Variants in PLD1 observed in about 807,000 individuals in gnomAD.
PLD1 encodes the protein phospholipase D1, also known as choline phosphatase 1.
PLD1 carries 112 observed loss-of-function variants against 137.1 expected under a neutral mutation model. The ratio of observed to expected loss-of-function variants is 0.82; its 90% CI spans 0.70 to 0.96. The LOEUF is 0.96. Ranked by LOEUF, PLD1 falls within the 40% of genes least tolerant of loss-of-function variation. The probability of loss-of-function intolerance (pLI) is 0.00; values close to 1 mark genes in which losing one functional copy is unlikely to be tolerated. For synonymous variants in PLD1, 431 were observed against 454.7 expected, an observed-to-expected ratio of 0.95 and a Z score of 0.66; for missense variants, 1,321 against 1,342.0, an observed-to-expected ratio of 0.98 and a Z score of 0.24.
intron 16 of PLD1, among the ~76,000 whole-genome samples, chr3:171,681,531 C>A (rs9290426): frequency 2.7e-4 from 41 of 151,902 alleles, no homozygotes; most frequent in Non-Finnish European, 5.3e-4. Context: ...CTCTACCTAC[C>A]GAATTTCTAC....
chr3:171,658,571 C>T (rs888306981), intron 21 of PLD1, among the ~76,000 whole-genome samples: 1 of 152,134 alleles, frequency 6.6e-6, no homozygotes, highest in Non-Finnish European at 1.5e-5. Flanking sequence ...TATTGTGTGA[C>T]TCCATTTATA....
chr3:171,759,062 T>C (rs1331226068), intron 1 of PLD1, among the ~76,000 whole-genome samples: 1 of 150,784 alleles, frequency 6.6e-6, no homozygotes, highest in African/African-American at 2.5e-5. Flanking sequence ...CAGTTGCTTC[T>C]TGTCAAGGCC....
At chr3:171,616,688 C>G (rs952741533) in intron 24 of PLD1, among the ~76,000 whole-genome samples, 1 of 152,164 alleles carries the variant, frequency 6.6e-6, no homozygotes, top group African/African-American at 2.4e-5. Context: ...GGAATGCAGG[C>G]AGCCTCTAGA....
rs1297082512 is a variant in PLD1, at chr3:171,764,954, GAAAGAAA to G, written c.-31-26879_-31-26873del. ...GAAAGGAAAGAAAGAAAGAAAGAAA[GAAAGAAA>G]GAAAGAAAGAAAGAAAGAAAGAAAG... On this transcript the variant is annotated intron_variant, in intron 1 of 26. Transcript: ENST00000351298. Among the ~76,000 whole-genome samples, 268 of 48,678 alleles carry G rather than the reference GAAAGAAA, an allele frequency of 5.5e-3. 34 individuals carry two copies. The highest frequency in any genetic ancestry group is 8.6e-3 in the Admixed American group (35 of 4,056). 31.9% of individuals were successfully genotyped at this position (48,678 alleles called of 152,430 possible). A position where few individuals can be genotyped will look rare whatever the true frequency, so the allele number is the denominator to read the frequency against.
intron 1 of PLD1, among the ~76,000 whole-genome samples, chr3:171,787,409 T>C (rs1723050886): frequency 6.6e-6 from 1 of 152,032 alleles, no homozygotes; most frequent in South Asian, 2.1e-4. Flanking sequence ...AATGCCTTCT[T>C]TTTTTTTCAT....
intron 1 of PLD1, among the ~76,000 whole-genome samples, chr3:171,762,044 A>G (rs1175432407): frequency 6.6e-6 from 1 of 152,252 alleles, no homozygotes; most frequent in Non-Finnish European, 1.5e-5. Flanking sequence ...GAACTTTATC[A>G]TTCAACCATA....
chr3:171,809,012 G>A (rs913443291), intron 1 of PLD1, among the ~76,000 whole-genome samples: 10 of 151,174 alleles, frequency 6.6e-5, no homozygotes, highest in African/African-American at 2.4e-4. Flanking sequence ...TTTAGTAGAG[G>A]CGGGGTTTCA....
chr3:171,786,206 T>C (rs865947603), intron 1 of PLD1, among the ~76,000 whole-genome samples: 3 of 152,210 alleles, frequency 2.0e-5, no homozygotes, highest in Non-Finnish European at 4.4e-5. Flanking sequence ...TTTCCAACTA[T>C]TTGGAAATAG....
At chr3:171,611,185 CA>C (rs1412365708) in intron 25 of PLD1, among the ~76,000 whole-genome samples, 3 of 152,198 alleles carry the variant, frequency 2.0e-5, no homozygotes, top group African/African-American at 7.2e-5. Context: ...ACCAAAATTG[CA>C]TTATGGCAAA....
At chr3:171,779,649 G>A (rs1224998738) in intron 1 of PLD1, among the ~76,000 whole-genome samples, 1 of 152,174 alleles carries the variant, frequency 6.6e-6, no homozygotes, top group African/African-American at 2.4e-5. Context: ...TTCAGGCCTG[G>A]GGTTTGGATA....
rs1480957119 is a variant in PLD1, at chr3:171,639,274, TATATC to T, written c.2593+3561_2593+3565del. Among the ~76,000 whole-genome samples the T allele has an allele frequency of 8.5e-5, 12 of 140,674 alleles. No homozygotes were observed. The South Asian group carries it at 1.1e-3, about 12-fold the overall frequency. 92.3% of individuals were successfully genotyped at this position (140,674 alleles called of 152,430 possible). A position where few individuals can be genotyped will look rare whatever the true frequency, so the allele number is the denominator to read the frequency against. The stretch of plus-strand genomic sequence containing the variant: ...ATATAACATATAAGTAATATATAAA[TATATC>T]ATATATTATCTATATATAAATATAT... On this transcript the variant is annotated intron_variant, in intron 23 of 26. Coordinates refer to ENST00000351298, the MANE Select transcript of PLD1 (RefSeq NM_002662.5).
chr3:171,737,841 G>A lies in PLD1; in HGVS notation c.160+51C>T, dbSNP rs1408657507. Reference sequence around the variant, plus strand: ...GGTTACTTCAAATTTGTGGTCTTCCGACCAACCGAGATAAACTCTTTTCTT... The same window carrying A: ...GGTTACTTCAAATTTGTGGTCTTCCAACCAACCGAGATAAACTCTTTTCTT... On this transcript the variant is annotated intron_variant, in intron 2 of 26. Coordinates refer to ENST00000351298, the MANE Select transcript of PLD1 (RefSeq NM_002662.5). The A allele has an allele frequency of 5.1e-6, 8 of 1,563,158 alleles. 1 individual carries two copies. The East Asian group carries it at 9.0e-5, about 18-fold the overall frequency.
At chr3:171,624,888 A>C (rs975970881) in intron 23 of PLD1, among the ~76,000 whole-genome samples, 2 of 152,200 alleles carry the variant, frequency 1.3e-5, no homozygotes, top group African/African-American at 4.8e-5. Context: ...AGATTAACCT[A>C]GAAACTGATG....
At position 171,735,587 on chromosome 3, in the gene PLD1, T is replaced by C. The variant is rs774218230; in HGVS notation, c.339A>G (p.Lys113=). 9 of 1,574,462 alleles carry C rather than the reference T, an allele frequency of 5.7e-6. No homozygotes were observed. Among genetic ancestry groups the C allele is most frequent in the Non-Finnish European group, 8.7e-7 (1 of 1,144,060 alleles). The change falls in exon 4 of 27, where the codon AAA becomes AAG. Residue 113 remains lysine, a synonymous_variant. Coordinates refer to ENST00000351298, the MANE Select transcript of PLD1 (RefSeq NM_002662.5). ...YTIELTHGEF[K]WQVKRKFKHF... is the part of the protein sequence containing the mutation. ...GCTTGAATTTCCTCTTAACTTGCCATTTAAATTCCCCATGTGTTAATTCAA... is the reference window on the plus strand; with the variant it reads ...GCTTGAATTTCCTCTTAACTTGCCACTTAAATTCCCCATGTGTTAATTCAA...
rs748414189 is a variant in PLD1, at chr3:171,612,325, A to G, written c.2836T>C (p.Tyr946His). 22 of 1,613,932 alleles carry G rather than the reference A, an allele frequency of 1.4e-5. No individual in the cohort carries two copies. Among genetic ancestry groups the G allele is most frequent in the Non-Finnish European group, 1.8e-5 (21 of 1,179,970 alleles). Residue 946 changes from tyrosine (Y) to histidine (H), a missense_variant, in exon 25 of 27, where the codon TAC (tyrosine) becomes CAC (histidine). Tyr to His is a moderately conservative substitution (Grantham distance 83). Coordinates refer to ENST00000351298, the MANE Select transcript of PLD1 (RefSeq NM_002662.5). The surrounding 1 kb of genome is among the most constrained non-coding windows in gnomAD (Gnocchi z 4.1). Reference protein sequence around the residue: ...TVPSVMDGKEYQAGRFARGLR... With the variant: ...TVPSVMDGKEHQAGRFARGLR... ...CCTCGGGCAAACCGGCCAGCTTGGT[A>G]CTCTTTTCCATCCATTACTGAAGGA...
chr3:171,697,374 A>C (rs955345560), intron 12 of PLD1, among the ~76,000 whole-genome samples: 2 of 150,752 alleles, frequency 1.3e-5, no homozygotes, highest in African/African-American at 2.4e-5. Flanking sequence ...CCTCCCGGGT[A>C]GCTGGGACTA....
At chr3:171,734,377 A>C (rs531332116) in intron 5 of PLD1, among the ~76,000 whole-genome samples, 212 of 152,342 alleles carry the variant, frequency 1.4e-3, no homozygotes, top group African/African-American at 4.9e-3. Context: ...AGCAGGCAGA[A>C]GTGCCCCTCC....
intron 16 of PLD1, among the ~76,000 whole-genome samples, chr3:171,680,651 C>T (rs936971012): frequency 6.6e-6 from 1 of 152,182 alleles, no homozygotes; most frequent in Non-Finnish European, 1.5e-5. Flanking sequence ...ACCTAGTTCC[C>T]TCCAGAACTT....
chr3:171,613,690 T>C (rs1009200979), intron 24 of PLD1, among the ~76,000 whole-genome samples: 17 of 150,046 alleles, frequency 1.1e-4, no homozygotes, highest in African/African-American at 4.1e-4. Flanking sequence ...ATTCAAGGAG[T>C]CCATTTTTTT....
Sources: gnomAD v4.1 joint callset for allele counts (sites outside exome capture counted in the v4.1 genomes callset) on GRCh38, gnomAD v4.1.1 for gene constraint, Gnocchi (gnomAD v3.1) non-coding constraint, MANE v1.5 for transcripts, NCBI Gene and HGNC (gene_info 2026-07-23, HGNC 2026-07-21) for gene names.